Variants in ROBO1 observed in about 807,000 individuals in gnomAD.
The protein encoded by ROBO1 is roundabout homolog 1.
Under a neutral mutation model 195.9 loss-of-function variants are expected in ROBO1, and 149 were observed. The ratio of observed to expected loss-of-function variants is 0.76; its 90% CI spans 0.67 to 0.87. The LOEUF (loss-of-function observed/expected upper bound fraction) is 0.87, where lower values mean the gene tolerates loss of function less well. ROBO1 is among the 40% of genes least tolerant of loss of function. The pLI is 0.00. For synonymous variants in ROBO1, 816 were observed against 733.2 expected (o/e 1.11, Z -1.82); for missense variants, 1,933 against 2,068.3 (o/e 0.93, Z 1.27).
intron 2 of ROBO1, among the ~76,000 whole-genome samples, chr3:79,194,731 G>A (rs1278078836): frequency 1.3e-5 from 2 of 151,550 alleles, no homozygotes; most frequent in African/African-American, 4.8e-5. Context: ...TAGTAGAATG[G>A]TGAAAACAAA....
At chr3:78,834,789 A>AAG (rs2032551459) in intron 4 of ROBO1, among the ~76,000 whole-genome samples, 1 of 152,096 alleles carries the variant, frequency 6.6e-6, no homozygotes, top group Admixed American at 6.6e-5. Flanking sequence ...TCATTTTTTT[A>AAG]AAGCAGGTCT....
intron 4 of ROBO1, among the ~76,000 whole-genome samples, chr3:78,773,832 C>T (rs963819119): frequency 3.3e-5 from 5 of 152,140 alleles, no homozygotes; most frequent in African/African-American, 1.2e-4. Flanking sequence ...TATTACCCAT[C>T]ATATTAGTTT....
intron 2 of ROBO1, among the ~76,000 whole-genome samples, chr3:79,395,321 C>CAAAAAAAAAAAA (rs71631647): frequency 1.0e-4 from 5 of 50,068 alleles, no homozygotes; most frequent in Non-Finnish European, 1.4e-4. Flanking sequence ...GACTCCGTCT[C>CAAAAAAAAAAAA]AAAAAAAAAA....
rs534868653 is a variant in ROBO1 at position 78,605,263 on chromosome 3, T to A, written c.4744+1470A>T. Among the ~76,000 whole-genome samples, 11 of 152,324 alleles carry A rather than the reference T, an allele frequency of 7.2e-5. No homozygotes were observed. The East Asian group carries it at 2.1e-3, about 29-fold the overall frequency. On this transcript the variant is annotated intron_variant, in intron 29 of 30. Coordinates refer to ENST00000464233, the MANE Select transcript of ROBO1 (RefSeq NM_002941.4). The stretch of plus-strand genomic sequence containing the variant: ...GCTTGGATATCTTGATTATTAAATC[T>A]CTGGGTCGGTCAATCTGTTTCCTTA...
At chr3:79,184,412 T>C (rs2081399343) in intron 2 of ROBO1, among the ~76,000 whole-genome samples, 1 of 152,146 alleles carries the variant, frequency 6.6e-6, no homozygotes, top group African/African-American at 2.4e-5. Flanking sequence ...CAACATGCTG[T>C]CAACTGAACT....
intron 2 of ROBO1, among the ~76,000 whole-genome samples, chr3:79,263,220 A>G (rs1035338872): frequency 1.3e-5 from 2 of 152,064 alleles, no homozygotes; most frequent in East Asian, 1.9e-4. Context: ...AACACCTTCA[A>G]TTTCTTGAAA....
At chr3:79,524,077 ACG>A (rs1174895677) in intron 2 of ROBO1, among the ~76,000 whole-genome samples, 1 of 152,080 alleles carries the variant, frequency 6.6e-6, no homozygotes, top group Non-Finnish European at 1.5e-5. Context: ...ATACCTAAAG[ACG>A]CATAATGGGA....
At chr3:79,566,023 T>G (rs1402300708) in intron 2 of ROBO1, among the ~76,000 whole-genome samples, 1 of 152,128 alleles carries the variant, frequency 6.6e-6, no homozygotes, top group Non-Finnish European at 1.5e-5. Flanking sequence ...AGAGCACTTG[T>G]TTCCTGGATC....
intron 10 of ROBO1, among the ~76,000 whole-genome samples, chr3:78,676,863 C>T (rs1708467450): frequency 6.6e-6 from 1 of 152,052 alleles, no homozygotes; most frequent in Admixed American, 6.6e-5. Flanking sequence ...AACTCCAAGA[C>T]ACATAATTGT....
chr3:79,479,957 T>C (rs920976706), intron 2 of ROBO1, among the ~76,000 whole-genome samples: 2 of 152,172 alleles, frequency 1.3e-5, no homozygotes, highest in Non-Finnish European at 2.9e-5. Context: ...AAAAATTCAA[T>C]AGAAAATTTG....
chr3:79,560,768 G>A (rs952677038), intron 2 of ROBO1, among the ~76,000 whole-genome samples: 2 of 151,782 alleles, frequency 1.3e-5, no homozygotes, highest in African/African-American at 4.8e-5. Context: ...CATGCCTTTT[G>A]CAAAGCAAAA....
chr3:78,696,586 A>G (rs1405028169), intron 8 of ROBO1, among the ~76,000 whole-genome samples: 1 of 151,180 alleles, frequency 6.6e-6, no homozygotes, highest in Admixed American at 6.6e-5. Flanking sequence ...AAACTGCCAC[A>G]AATAGTTGTT....
intron 3 of ROBO1, among the ~76,000 whole-genome samples, chr3:79,122,485 C>T (rs569355862): frequency 4.9e-4 from 74 of 151,932 alleles, no homozygotes; most frequent in Middle Eastern, 3.4e-3. Context: ...AAATTTGATC[C>T]CAACTAAATC....
intron 2 of ROBO1, among the ~76,000 whole-genome samples, chr3:79,174,384 C>CG (rs2081227538): frequency 6.6e-6 from 1 of 151,954 alleles, no homozygotes; most frequent in African/African-American, 2.4e-5. Context: ...CACGAACCCA[C>CG]CACAAGGAAG....
chr3:78,860,327 T>TATATATATATATATA (rs1491455003), intron 4 of ROBO1, among the ~76,000 whole-genome samples: 2 of 12,562 alleles, frequency 1.6e-4, no homozygotes, highest in African/African-American at 2.6e-4. Flanking sequence ...TATATATATA[T>TATATATATATATATA]TTTTTTTTTT....
At chr3:78,921,049 T>TAC (rs1259180678) in intron 4 of ROBO1, among the ~76,000 whole-genome samples, 3 of 152,138 alleles carry the variant, frequency 2.0e-5, no homozygotes, top group African/African-American at 7.2e-5. Context: ...TAGTAATACC[T>TAC]ACTTCACTGA....
At chr3:79,110,033 C>T (rs767229285) in intron 3 of ROBO1, among the ~76,000 whole-genome samples, 9 of 152,084 alleles carry the variant, frequency 5.9e-5, no homozygotes, top group East Asian at 1.9e-4. Context: ...AGAATAGAAG[C>T]GAGATTTCCT....
In ROBO1 at chr3:79,637,132, A is replaced by C. The variant is rs551547553; in HGVS notation, c.-50-47171T>G. Among the ~76,000 whole-genome samples the C allele has an allele frequency of 3.9e-5, 6 of 152,336 alleles. No individual in the cohort carries two copies. In the South Asian group the frequency reaches 1.2e-3, roughly 32 times the overall value. On this transcript the variant is annotated intron_variant, in intron 1 of 30. Coordinates refer to ENST00000464233, the MANE Select transcript of ROBO1 (RefSeq NM_002941.4). ...CTATGGTAATTGGGCAGCCCAATGA[A>C]CATTTCCACTATCACGGAAGTTCTA... is the stretch of plus-strand genomic sequence containing the variant.
chr3:78,717,659 C>T (rs915227186), intron 6 of ROBO1, 104 bp downstream of exon 6: 7 of 1,303,392 alleles, frequency 5.4e-6, no homozygotes, highest in South Asian at 1.5e-5. Context: ...TACCCACCCC[C>T]TAAAAATATT....
Sources: gnomAD v4.1 joint callset for allele counts (sites outside exome capture counted in the v4.1 genomes callset) on GRCh38, gnomAD v4.1.1 for gene constraint, MANE v1.5 for transcripts, NCBI Gene and HGNC (gene_info 2026-07-23, HGNC 2026-07-21) for gene names.